ACBD6: variants seen among roughly 807,000 people sequenced by gnomAD.
The protein encoded by ACBD6 is acyl-CoA-binding domain-containing protein 6.
ACBD6 carries 28 observed loss-of-function variants against 37.2 expected under a neutral mutation model. The observed-to-expected ratio is 0.75, with a 90% CI of 0.56 to 1.03. ACBD6 has a LOEUF of 1.03. ACBD6 is among the 50% of genes least tolerant of loss of function. The probability of loss-of-function intolerance (pLI) is 0.00; values close to 1 mark genes in which losing one functional copy is unlikely to be tolerated. For missense variants in ACBD6, 340 were observed against 337.4 expected (o/e 1.01, Z -0.06); for synonymous variants, 113 against 126.8 (o/e 0.89, Z 0.73).
At chr1:180,283,219 G>GC in intron 8 of ACBD6, among the ~76,000 whole-genome samples, 1 of 152,226 alleles carries the variant, frequency 6.6e-6, no homozygotes, top group African/African-American at 2.4e-5. Flanking sequence ...AGATTGCTAC[G>GC]CAAGTGAGAG....
rs12135743 is a variant in ACBD6 at position 180,483,155 on chromosome 1, A to G, written c.384+9114T>C. On this transcript the variant is annotated intron_variant, in intron 3 of 7. Coordinates refer to ENST00000367595, the MANE Select transcript of ACBD6 (RefSeq NM_032360.4). ...ACATTCAGTCCTTATTGCAGTTTCT[A>G]GAGTACGTCAGGCATGATCCTACTT... is the stretch of plus-strand genomic sequence containing the variant. Among the ~76,000 whole-genome samples, 938 of 152,262 alleles carry G rather than the reference A, an allele frequency of 6.2e-3. 5 individuals are homozygous for G. Among genetic ancestry groups the G allele is most frequent in the Admixed American group, 0.012 (190 of 15,302 alleles).
intron 6 of ACBD6, among the ~76,000 whole-genome samples, chr1:180,338,315 G>C (rs1051336178): frequency 5.9e-5 from 9 of 152,156 alleles, no homozygotes; most frequent in African/African-American, 2.2e-4. Context: ...GCATGGTACT[G>C]GTATCAACAC....
intron 7 of ACBD6, among the ~76,000 whole-genome samples, chr1:180,313,558 T>TC (rs1333516059): frequency 6.6e-6 from 1 of 152,188 alleles, no homozygotes; most frequent in African/African-American, 2.4e-5. Flanking sequence ...GACAAAAGTG[T>TC]CCAGGGTCAT....
At chr1:180,356,309 C>G (rs1162170133) in intron 6 of ACBD6, among the ~76,000 whole-genome samples, 1 of 152,026 alleles carries the variant, frequency 6.6e-6, no homozygotes, top group East Asian at 1.9e-4. Context: ...GTAGCTGAAA[C>G]TACAGGTGTG....
At chr1:180,270,366 A>G (rs1403942711) in exon 14 of ACBD6, 1 of 152,288 alleles carries the variant, frequency 6.6e-6, no homozygotes. Flanking sequence ...GAGCAAGCAC[A>G]GAGAGCAGAG....
At chr1:180,322,201 G>A (rs947044330) in intron 6 of ACBD6, among the ~76,000 whole-genome samples, 7 of 152,042 alleles carry the variant, frequency 4.6e-5, no homozygotes, top group Non-Finnish European at 1.0e-4. Context: ...TTGCATCCCT[G>A]TAATAAAACC....
At chr1:180,434,148 C>A (rs1172076569) in intron 3 of ACBD6, among the ~76,000 whole-genome samples, 1 of 152,168 alleles carries the variant, frequency 6.6e-6, no homozygotes, top group Non-Finnish European at 1.5e-5. Flanking sequence ...TCTGGACATG[C>A]CTCATTATAC....
intron 5 of ACBD6, among the ~76,000 whole-genome samples, chr1:180,403,560 CTCTG>C (rs764357490): frequency 2.2e-4 from 34 of 152,116 alleles, no homozygotes; most frequent in Non-Finnish European, 3.8e-4. Context: ...AATTCAACTT[CTCTG>C]TATGTTTAAC....
intron 4 of ACBD6, among the ~76,000 whole-genome samples, chr1:180,425,185 G>A (rs926646023): frequency 6.6e-6 from 1 of 152,106 alleles, no homozygotes; most frequent in African/African-American, 2.4e-5. Context: ...GTAGAGAGGA[G>A]GAAGGGAGCC....
At position 180,469,467 on chromosome 1, in the gene ACBD6, T is replaced by C. The variant is rs12723991; in HGVS notation, c.384+22802A>G. 6.8e-3 allele frequency among the ~76,000 whole-genome samples: 1,042 copies of C among 152,348 alleles called. 10 individuals carry two copies. The highest frequency in any genetic ancestry group is 9.2e-3 in the Non-Finnish European group (628 of 68,034). ...GAGCCTGAAAACAATATAGTAATTC[T>C]ACAGAGTTTTAAATCTAGGCCTTTA... is the stretch of plus-strand genomic sequence containing the variant. On this transcript the variant is annotated intron_variant, in intron 3 of 7. Coordinates refer to ENST00000367595, the MANE Select transcript of ACBD6 (RefSeq NM_032360.4).
intron 6 of ACBD6, among the ~76,000 whole-genome samples, chr1:180,376,682 A>C (rs1161755669): frequency 6.6e-6 from 1 of 152,212 alleles, no homozygotes; most frequent in Non-Finnish European, 1.5e-5. Context: ...TCAGAAACAA[A>C]GGAGACTGGT....
chr1:180,454,963 G>T (rs1345696139), intron 3 of ACBD6, among the ~76,000 whole-genome samples: 1 of 152,164 alleles, frequency 6.6e-6, no homozygotes, highest in Non-Finnish European at 1.5e-5. Context: ...TCAGTGTGGC[G>T]ATTCCTCAGG....
At chr1:180,339,102 C>G (rs1022035177) in intron 6 of ACBD6, among the ~76,000 whole-genome samples, 1 of 152,200 alleles carries the variant, frequency 6.6e-6, no homozygotes, top group African/African-American at 2.4e-5. Context: ...ACTAGCTCAA[C>G]CATTGTGGAA....
At chr1:180,467,472 A>AAAAAAAC (rs370655998) in intron 3 of ACBD6, among the ~76,000 whole-genome samples, 76 of 114,514 alleles carry the variant, frequency 6.6e-4, no homozygotes, top group African/African-American at 2.3e-3. Flanking sequence ...AAAAAAAAAA[A>AAAAAAAC]CAAAAACAAA....
At chr1:180,477,684 A>G (rs911412846) in intron 3 of ACBD6, among the ~76,000 whole-genome samples, 3 of 152,338 alleles carry the variant, frequency 2.0e-5, no homozygotes, top group African/African-American at 7.2e-5. Context: ...TTTTACTAAA[A>G]TAAGTCAGAA....
chr1:180,352,019 T>C (rs910734999), intron 6 of ACBD6, among the ~76,000 whole-genome samples: 23 of 152,180 alleles, frequency 1.5e-4, no homozygotes, highest in African/African-American at 5.3e-4. Flanking sequence ...TTGAAGACAT[T>C]ATGCTAAATA....
intron 3 of ACBD6, among the ~76,000 whole-genome samples, chr1:180,445,968 C>A (rs1409127266): frequency 6.6e-6 from 1 of 151,956 alleles, no homozygotes; most frequent in African/African-American, 2.4e-5. Flanking sequence ...TACATACTGA[C>A]AATATTCTAA....
intron 9 of ACBD6, among the ~76,000 whole-genome samples, chr1:180,280,385 C>A (rs532625587): frequency 4.6e-5 from 7 of 151,794 alleles, no homozygotes; most frequent in African/African-American, 1.4e-4. Context: ...CTACATAGAA[C>A]AATTTACTTA....
intron 9 of ACBD6, among the ~76,000 whole-genome samples, chr1:180,279,682 G>A (rs1649250090): frequency 1.3e-5 from 2 of 151,994 alleles, no homozygotes; most frequent in Non-Finnish European, 2.9e-5. Flanking sequence ...ATTTACAGAG[G>A]GACAGAAACA....
Sources: allele counts gnomAD v4.1 joint callset (sites outside exome capture counted in the v4.1 genomes callset), GRCh38; gene constraint gnomAD v4.1.1; transcripts MANE v1.5; gene names NCBI Gene and HGNC (gene_info 2026-07-23, HGNC 2026-07-21).